TBC1D9B: variants seen among roughly 807,000 people sequenced by gnomAD.
TBC1D9B encodes the protein TBC1 domain family, member 9B (with GRAM domain).
In TBC1D9B, 87 loss-of-function variants were observed where a neutral mutation model predicts 121.1. The observed-to-expected ratio is 0.72, with a 90% CI of 0.60 to 0.86. The LOEUF (loss-of-function observed/expected upper bound fraction) is 0.86, where lower values mean the gene tolerates loss of function less well. TBC1D9B is among the 40% of genes least tolerant of loss of function. The pLI, the probability that TBC1D9B is intolerant of heterozygous loss-of-function variation, is 0.00. For missense variants in TBC1D9B, 1,540 were observed against 1,628.6 expected, an observed-to-expected ratio of 0.95 and a Z score of 0.94; for synonymous variants, 668 against 670.1, an observed-to-expected ratio of 1.00 and a Z score of 0.05.
rs568744817 is a variant in TBC1D9B, at chr5:179,888,209, C to G, written c.1148G>C (p.Arg383Pro). The part of the protein sequence containing the change: ...MTFLFANLKD[R>P]DFLVQRISDF... ...AGAGATCCTCTGCACCAAGAAATCA[C>G]GGTCTTTCAGGTTGGCAAACAGGAA... Residue 383 changes from arginine (R) to proline (P), a missense_variant, in exon 7 of 21, where the codon CGT becomes CCT. Coordinates refer to ENST00000355235, the MANE Select transcript of TBC1D9B (RefSeq NM_015043.4). 3 of 1,612,704 alleles carry G rather than the reference C, an allele frequency of 1.9e-6. No individual in the cohort carries two copies. The highest frequency in any genetic ancestry group is 2.7e-5 in the African/African-American group (2 of 74,950).
intron 10 of TBC1D9B, 123 bp downstream of exon 10, chr5:179,878,186 T>C (rs1760415738): frequency 1.0e-6 from 1 of 980,546 alleles, no homozygotes; most frequent in South Asian, 1.7e-5. Context: ...TACATCTTTT[T>C]CTGCTGGGCT....
chr5:179,892,088 T>C (rs888574792), intron 5 of TBC1D9B, among the ~76,000 whole-genome samples: 5 of 152,254 alleles, frequency 3.3e-5, no homozygotes, highest in Non-Finnish European at 5.9e-5. Flanking sequence ...CCTGTGTATC[T>C]GATGGCTGTG....
chr5:179,872,848 G>GCCCCC, intron 14 of TBC1D9B, 44 bp downstream of exon 14: 14 of 1,457,218 alleles, frequency 9.6e-6, no homozygotes, highest in East Asian at 7.2e-5. Context: ...AGGCACTGCT[G>GCCCCC]CCCCCCCAGC....
Position 179,894,375 on chromosome 5 carries a change from G to A in TBC1D9B, c.577+11C>T, listed in dbSNP as rs1196581948. On this transcript the variant is annotated intron_variant, in intron 4 of 20. Coordinates refer to ENST00000355235, the MANE Select transcript of TBC1D9B (RefSeq NM_015043.4). ...GTGTGGGGGCTGGGGCACACTGAGG[G>A]GCGGGCTCACCTTCCTTCCCCAGCA... is the stretch of plus-strand genomic sequence containing the variant. 3 of 1,604,572 alleles carry A rather than the reference G, an allele frequency of 1.9e-6. No homozygotes were observed. The South Asian group carries it at 3.3e-5, about 18-fold the overall frequency.
chr5:179,880,795 G>A (rs1760520897), intron 7 of TBC1D9B, among the ~76,000 whole-genome samples: 1 of 119,434 alleles, frequency 8.4e-6, no homozygotes, highest in Non-Finnish European at 1.8e-5. Flanking sequence ...TACCCCTCTG[G>A]CCCCTGTGAT....
At chr5:179,906,208 C>T (rs1471299493) in intron 1 of TBC1D9B, among the ~76,000 whole-genome samples, 1 of 152,204 alleles carries the variant, frequency 6.6e-6, no homozygotes, top group Non-Finnish European at 1.5e-5. Context: ...CAGGAGGCCA[C>T]GATGCCCATG....
Position 179,880,669 on chromosome 5 carries a change from C to T in TBC1D9B, c.1255-880G>A, listed in dbSNP as rs565764200. 3.5e-4 allele frequency among the ~76,000 whole-genome samples: 53 copies of T among 152,180 alleles called. No individual in the cohort carries two copies. The South Asian group carries it at 0.011, about 30-fold the overall frequency. On this transcript the variant is annotated intron_variant, in intron 7 of 20. Transcript: ENST00000355235. ...CTGTTAAAACGTACCAAATTGTATT[C>T]CTTAAATATGTACAGTGTATTGCGT... is the stretch of plus-strand genomic sequence containing the variant.
chr5:179,887,770 G>A (rs1046754739), intron 7 of TBC1D9B: 1 of 347,476 alleles, frequency 2.9e-6, no homozygotes, highest in Non-Finnish European at 5.3e-6. Flanking sequence ...GGAAGGTCAT[G>A]GGAACAAAGC....
chr5:179,884,487 G>T (rs1371633356), intron 7 of TBC1D9B: 1 of 152,142 alleles, frequency 6.6e-6, no homozygotes, highest in Non-Finnish European at 1.5e-5. Context: ...ATTAAAAATA[G>T]AACTGCTATA....
chr5:179,895,894 G>T (rs1027901138), intron 3 of TBC1D9B, among the ~76,000 whole-genome samples: 22 of 152,274 alleles, frequency 1.4e-4, no homozygotes, highest in Non-Finnish European at 2.4e-4. Flanking sequence ...GAAGTATTTT[G>T]AGCTGAAGGC....
chr5:179,872,949 C>G lies in TBC1D9B; in HGVS notation c.2358G>C (p.Arg786=). 7 of 1,552,038 alleles carry G rather than the reference C, an allele frequency of 4.5e-6. No homozygotes were observed. Among genetic ancestry groups the G allele is most frequent in the Non-Finnish European group, 6.1e-6 (7 of 1,148,734 alleles). The change falls in exon 14 of 21, where the codon CGG becomes CGC. Residue 786 remains arginine, a synonymous_variant. Coordinates refer to ENST00000355235, the MANE Select transcript of TBC1D9B (RefSeq NM_015043.4). The part of the protein sequence containing the change: ...SLRAEDIEQM[R]FKQRLKVIQS... Reference sequence around the variant, plus strand: ...GGATCACTTTCAGCCTCTGTTTAAACCGCATCTGCTCAATGTCTTCGGCCC... The same window carrying G: ...GGATCACTTTCAGCCTCTGTTTAAAGCGCATCTGCTCAATGTCTTCGGCCC...
chr5:179,884,178 TA>T (rs200613348), intron 7 of TBC1D9B, among the ~76,000 whole-genome samples: 2 of 151,890 alleles, frequency 1.3e-5, no homozygotes, highest in Non-Finnish European at 2.9e-5. Context: ...CTTCCATTAA[TA>T]AAAAAAAGCC....
intron 6 of TBC1D9B, 140 bp from the exon 7 acceptor site, chr5:179,888,452 A>G: frequency 1.1e-6 from 1 of 894,986 alleles, no homozygotes; most frequent in Non-Finnish European, 1.7e-6. Flanking sequence ...TCACATTCTG[A>G]CTCTGCCACC....
chr5:179,899,195 C>A lies in TBC1D9B; in HGVS notation c.342G>T (p.Lys114Asn). ...EEDITTFVKGKIHGIIAEENK... is the reference protein window; with the variant it reads ...EEDITTFVKGNIHGIIAEENK... ...AGTGGCGGGTAAACCTTACGTGTAT[C>A]TTGCCCTTGACGAAGGTGGTGATAT... is the stretch of plus-strand genomic sequence containing the variant. Residue 114 changes from lysine (K) to asparagine (N), a missense_variant, in exon 3 of 21, where the codon AAG (lysine) becomes AAT (asparagine). Coordinates refer to ENST00000355235, the MANE Select transcript of TBC1D9B (RefSeq NM_015043.4). 5 of 1,610,218 alleles carry A rather than the reference C, an allele frequency of 3.1e-6. No homozygotes were observed. The highest frequency in any genetic ancestry group is 4.2e-6 in the Non-Finnish European group (5 of 1,178,086).
intron 7 of TBC1D9B, chr5:179,887,888 G>A (rs1304797199): frequency 3.2e-6 from 2 of 625,536 alleles, no homozygotes; most frequent in African/African-American, 1.8e-5. Context: ...CAGGAGTGAG[G>A]AGTACCGGGT....
chr5:179,897,622 G>A (rs1479255885), intron 3 of TBC1D9B, among the ~76,000 whole-genome samples: 1 of 152,180 alleles, frequency 6.6e-6, no homozygotes, highest in African/African-American at 2.4e-5. Context: ...ACCACACCTG[G>A]CCTCAATTCT....
intron 20 of TBC1D9B, 100 bp from the exon 21 acceptor site, chr5:179,864,228 T>C: frequency 8.1e-7 from 1 of 1,230,424 alleles, no homozygotes; most frequent in Non-Finnish European, 1.1e-6. Flanking sequence ...CTAAGGATGT[T>C]GGCTGCCGTC....
rs185297527 is a variant in TBC1D9B, at chr5:179,903,060, C to T, written c.229+1642G>A. Among the ~76,000 whole-genome samples the T allele has an allele frequency of 2.1e-3, 321 of 152,284 alleles. 2 individuals carry two copies. Among genetic ancestry groups the T allele is most frequent in the African/African-American group, 7.0e-3 (291 of 41,550 alleles). On this transcript the variant is annotated intron_variant, in intron 2 of 20. Transcript: ENST00000355235. Reference sequence around the variant, plus strand: ...TCCCCTCCTGAAGCTGGGTTCCAGCCGTGAGGTTGACAAACTTTTGAGTCT... The same window carrying T: ...TCCCCTCCTGAAGCTGGGTTCCAGCTGTGAGGTTGACAAACTTTTGAGTCT...
At chr5:179,866,043 C>T in intron 18 of TBC1D9B, 155 bp from the exon 19 acceptor site, 1 of 735,534 alleles carries the variant, frequency 1.4e-6, no homozygotes, top group Non-Finnish European at 2.2e-6. Flanking sequence ...TCCTGCCTGG[C>T]CCGCCCAGCC....
Sources: gnomAD v4.1 joint callset for allele counts (sites outside exome capture counted in the v4.1 genomes callset) on GRCh38, gnomAD v4.1.1 for gene constraint, MANE v1.5 for transcripts, NCBI Gene and HGNC (gene_info 2026-07-23, HGNC 2026-07-21) for gene names.